The following CLEC9A variants were observed in gnomAD, a reference collection of about 807,000 sequenced individuals.
CLEC9A encodes the protein C-type lectin domain family 9 member A.
A neutral mutation model predicts 30.0 loss-of-function variants in CLEC9A; 24 were observed. The observed-to-expected ratio is 0.80, with a 90% CI of 0.58 to 1.13. CLEC9A has a LOEUF of 1.13. Among genes scored for constraint, CLEC9A ranks in the 50% most tolerant of loss-of-function variants. The pLI is 0.00. For missense variants in CLEC9A, 251 were observed against 280.9 expected (o/e 0.89, Z 0.76); for synonymous variants, 111 against 96.8 (o/e 1.15, Z -0.86).
chr12:10,062,356 G>A (rs1286728942), intron 6 of CLEC9A, among the ~76,000 whole-genome samples: 1 of 152,128 alleles, frequency 6.6e-6, no homozygotes, highest in East Asian at 1.9e-4. Context: ...AGAAACACTT[G>A]GTCAAATTCT....
Position 10,065,702 on chromosome 12 carries a change from C to T in CLEC9A, c.*70C>T. On this transcript the variant is annotated 3_prime_UTR_variant, in exon 9 of 9. Transcript: ENST00000355819. ...ATGCCATTGGAAAACCCACCCCCAC[C>T]CCCCCTCAAAAAAACAGAACAGTAA... The T allele has an allele frequency of 6.4e-7, 1 of 1,555,800 alleles. No individual in the cohort carries two copies. Among genetic ancestry groups the T allele is most frequent in the Non-Finnish European group, 8.7e-7 (1 of 1,147,248 alleles).
chr12:10,061,126 G>A lies in CLEC9A; in HGVS notation c.173-1G>A. 1 of 1,608,792 alleles carries A rather than the reference G, an allele frequency of 6.2e-7. No individual in the cohort carries two copies. The highest frequency in any genetic ancestry group is 8.5e-7 in the Non-Finnish European group (1 of 1,178,220). On this transcript the variant is annotated splice_acceptor_variant, in intron 5 of 8. Coordinates refer to ENST00000355819, the MANE Select transcript of CLEC9A (RefSeq NM_207345.4). LOFTEE classifies it high-confidence loss of function. Reference sequence around the variant, plus strand: ...TTAGGAATGATTGCTATCATGTGAAGTGTTGCAGGTGTCCACCATTGCGAT... The same window carrying A: ...TTAGGAATGATTGCTATCATGTGAAATGTTGCAGGTGTCCACCATTGCGAT...
intron 5 of CLEC9A, among the ~76,000 whole-genome samples, chr12:10,055,831 C>T (rs1208673659): frequency 1.3e-5 from 2 of 151,610 alleles, no homozygotes; most frequent in East Asian, 3.9e-4. Flanking sequence ...CCGAGGTGGG[C>T]GGATTGCCTG....
intron 5 of CLEC9A, chr12:10,060,544 A>G (rs893465625): frequency 6.6e-6 from 1 of 152,494 alleles, no homozygotes; most frequent in African/African-American, 2.4e-5. Flanking sequence ...AGGAGTGAAC[A>G]AGGGGTGAAG....
chr12:10,035,373 C>T (rs1241875119), intron 1 of CLEC9A, among the ~76,000 whole-genome samples: 3 of 152,190 alleles, frequency 2.0e-5, no homozygotes, highest in Non-Finnish European at 4.4e-5. Context: ...CCGCCTTTCT[C>T]TATCCAGCAC....
intron 2 of CLEC9A, chr12:10,045,614 G>T (rs946287728): frequency 9.0e-5 from 24 of 265,330 alleles, no homozygotes; most frequent in Non-Finnish European, 1.5e-4. Flanking sequence ...TGGCCAAGGT[G>T]GACCAGCTAC....
intron 7 of CLEC9A, 83 bp downstream of exon 7, chr12:10,063,289 A>T: frequency 1.6e-6 from 2 of 1,270,120 alleles, no homozygotes; most frequent in South Asian, 4.1e-5. Context: ...CATAAGACAA[A>T]ATTCCTTAAT....
chr12:10,046,685 G>C (rs1376725966), intron 2 of CLEC9A, among the ~76,000 whole-genome samples: 1 of 152,166 alleles, frequency 6.6e-6, no homozygotes, highest in East Asian at 1.9e-4. Context: ...CTCAACTGAG[G>C]TGTTGGTTAA....
intron 5 of CLEC9A, among the ~76,000 whole-genome samples, chr12:10,055,472 T>C (rs1271655951): frequency 2.0e-5 from 3 of 152,190 alleles, no homozygotes; most frequent in Non-Finnish European, 2.9e-5. Context: ...TAACTTGCAT[T>C]GCAAATATCA....
chr12:10,050,944 C>T (rs1025464075), intron 2 of CLEC9A, among the ~76,000 whole-genome samples: 15 of 152,276 alleles, frequency 9.9e-5, no homozygotes, highest in African/African-American at 3.6e-4. Context: ...GTGGTTCACG[C>T]TTATAATCCC....
At chr12:10,061,312 A>G in intron 6 of CLEC9A, 39 bp downstream of exon 6, 1 of 1,556,840 alleles carries the variant, frequency 6.4e-7, no homozygotes, top group Non-Finnish European at 8.7e-7. Context: ...ATACATCTAA[A>G]TATATACACC....
At chr12:10,053,352 C>A (rs889263496) in intron 4 of CLEC9A, among the ~76,000 whole-genome samples, 2 of 152,140 alleles carry the variant, frequency 1.3e-5, no homozygotes, top group African/African-American at 4.8e-5. Flanking sequence ...TGGCAGGGAT[C>A]GAGTGGAAGA....
chr12:10,048,239 C>CAAA (rs34010283), intron 2 of CLEC9A, among the ~76,000 whole-genome samples: 15 of 130,756 alleles, frequency 1.1e-4, no homozygotes, highest in South Asian at 2.4e-4. Flanking sequence ...GACTCCGTCT[C>CAAA]AAAAAAAAAA....
chr12:10,043,719 A>G (rs901922006), intron 2 of CLEC9A, among the ~76,000 whole-genome samples: 1 of 151,008 alleles, frequency 6.6e-6, no homozygotes, highest in Non-Finnish European at 1.5e-5. Context: ...GTCTCGCTCT[A>G]TCACCAGGCT....
At chr12:10,035,321 G>A (rs1209907010) in intron 1 of CLEC9A, among the ~76,000 whole-genome samples, 3 of 152,144 alleles carry the variant, frequency 2.0e-5, no homozygotes, top group Non-Finnish European at 2.9e-5. Flanking sequence ...CCTCATCCAG[G>A]TCGGTGGGCA....
chr12:10,048,936 A>T (rs1032249063), intron 2 of CLEC9A, among the ~76,000 whole-genome samples: 3 of 152,208 alleles, frequency 2.0e-5, no homozygotes, highest in African/African-American at 7.2e-5. Context: ...GCTCTGATAT[A>T]TCAGAAGAAT....
At chr12:10,034,762 G>C (rs897491483) in intron 1 of CLEC9A, among the ~76,000 whole-genome samples, 1 of 152,142 alleles carries the variant, frequency 6.6e-6, no homozygotes, top group Non-Finnish European at 1.5e-5. Context: ...GTGGGGCTCC[G>C]GCCCCACGGT....
chr12:10,032,613 G>C (rs561115750), intron 1 of CLEC9A, among the ~76,000 whole-genome samples: 1 of 151,948 alleles, frequency 6.6e-6, no homozygotes, highest in South Asian at 2.1e-4. Flanking sequence ...GGATGGTCTC[G>C]ATCTCCTAAC....
At chr12:10,052,257 T>G (rs1694568414) in intron 3 of CLEC9A, 163 bp downstream of exon 3, 1 of 160,234 alleles carries the variant, frequency 6.2e-6, no homozygotes, top group African/African-American at 2.4e-5. Flanking sequence ...TCCCACCCTT[T>G]ACACCGTGGT....
Sources: gnomAD v4.1 joint callset for allele counts (sites outside exome capture counted in the v4.1 genomes callset) on GRCh38, gnomAD v4.1.1 for gene constraint, MANE v1.5 for transcripts, NCBI Gene and HGNC (gene_info 2026-07-23, HGNC 2026-07-21) for gene names.